STXBP5L: variants seen among roughly 807,000 people sequenced by gnomAD.
The protein encoded by STXBP5L is syntaxin binding protein 5L.
Under a neutral mutation model 144.5 loss-of-function variants are expected in STXBP5L, and 65 were observed. The observed-to-expected ratio is 0.45, with a 90% CI of 0.37 to 0.55. STXBP5L has a LOEUF of 0.55. Among genes scored for constraint, STXBP5L ranks in the 20% least tolerant of loss-of-function variants. The probability of loss-of-function intolerance (pLI) is 0.00; values close to 1 mark genes in which losing one functional copy is unlikely to be tolerated. For missense variants in STXBP5L, 1,298 were observed against 1,405.5 expected (o/e 0.92, Z 1.22); for synonymous variants, 505 against 469.6 (o/e 1.08, Z -0.97).
intron 5 of STXBP5L, among the ~76,000 whole-genome samples, chr3:121,063,868 C>T (rs112726984): frequency 0.012 from 1,820 of 152,132 alleles, 34 homozygotes; most frequent in African/African-American, 0.041. Context: ...TTCAGATCGA[C>T]CTCAGACTGC....
At chr3:121,231,463 C>T (rs904349389) in intron 11 of STXBP5L, among the ~76,000 whole-genome samples, 3 of 152,146 alleles carry the variant, frequency 2.0e-5, no homozygotes, top group Non-Finnish European at 4.4e-5. Flanking sequence ...CCTGGATGTT[C>T]GGGGTTAATG....
intron 21 of STXBP5L, among the ~76,000 whole-genome samples, 165 bp from the exon 22 acceptor site, chr3:121,381,128 A>G (rs1410916566): frequency 3.3e-5 from 5 of 152,092 alleles, no homozygotes; most frequent in African/African-American, 1.2e-4. Flanking sequence ...CAGTTTCTCC[A>G]TCTTCAAAAT....
chr3:121,368,322 GT>G (rs1181808324), intron 20 of STXBP5L, among the ~76,000 whole-genome samples: 1 of 151,902 alleles, frequency 6.6e-6, no homozygotes, highest in Non-Finnish European at 1.5e-5. Context: ...TTTCTTTCTG[GT>G]TTCTTTTTAG....
At chr3:120,979,368 C>A (rs1159476006) in intron 3 of STXBP5L, among the ~76,000 whole-genome samples, 4 of 152,196 alleles carry the variant, frequency 2.6e-5, no homozygotes, top group African/African-American at 7.2e-5. Context: ...GGGATATAAT[C>A]TTCTGGTGCA....
chr3:121,168,424 A>G (rs938495603), intron 9 of STXBP5L, among the ~76,000 whole-genome samples: 1 of 152,212 alleles, frequency 6.6e-6, no homozygotes, highest in Admixed American at 6.5e-5. Flanking sequence ...ACCCAATGCA[A>G]GGAAGATAAG....
chr3:121,210,281 G>C (rs2048506903), intron 10 of STXBP5L, among the ~76,000 whole-genome samples: 1 of 152,132 alleles, frequency 6.6e-6, no homozygotes, highest in African/African-American at 2.4e-5. Context: ...TGATGGAGTT[G>C]TTTGTTTTTT....
chr3:121,031,112 C>T (rs923559669), intron 3 of STXBP5L, among the ~76,000 whole-genome samples: 4 of 151,996 alleles, frequency 2.6e-5, no homozygotes, highest in Non-Finnish European at 4.4e-5. Flanking sequence ...GCAAGCAGTT[C>T]GTGAAACACC....
chr3:121,193,532 T>C (rs566152490), intron 9 of STXBP5L, among the ~76,000 whole-genome samples: 100 of 152,332 alleles, frequency 6.6e-4, no homozygotes, highest in African/African-American at 2.3e-3. Flanking sequence ...TGTATGTTTA[T>C]TGTGGCACTA....
intron 20 of STXBP5L, among the ~76,000 whole-genome samples, chr3:121,372,174 C>G (rs2046051662): frequency 6.6e-6 from 1 of 152,034 alleles, no homozygotes; most frequent in Non-Finnish European, 1.5e-5. Context: ...ATAAGGACCC[C>G]CAGGAGGTAC....
chr3:120,986,036 TA>T (rs1467034473), intron 3 of STXBP5L, among the ~76,000 whole-genome samples: 4 of 151,978 alleles, frequency 2.6e-5, no homozygotes, highest in African/African-American at 9.7e-5. Flanking sequence ...AAAAGTAAAC[TA>T]AAAATTTTGG....
chr3:121,052,623 A>T (rs1948106541), intron 5 of STXBP5L, among the ~76,000 whole-genome samples: 1 of 152,156 alleles, frequency 6.6e-6, no homozygotes, highest in South Asian at 2.1e-4. Flanking sequence ...TCTATGACAA[A>T]CCCACAGTCA....
intron 19 of STXBP5L, among the ~76,000 whole-genome samples, chr3:121,312,408 G>T (rs1373319436): frequency 1.8e-4 from 8 of 45,700 alleles, no homozygotes; most frequent in African/African-American, 3.4e-4. Context: ...GAAAAATGTA[G>T]TTTTATTTGT....
chr3:121,064,933 C>T (rs1004740057), intron 5 of STXBP5L, among the ~76,000 whole-genome samples: 1 of 152,114 alleles, frequency 6.6e-6, no homozygotes, highest in Non-Finnish European at 1.5e-5. Context: ...GTCCATTCTT[C>T]AAATGTTTAT....
intron 22 of STXBP5L, among the ~76,000 whole-genome samples, chr3:121,398,330 G>C (rs553665352): frequency 9.8e-4 from 149 of 152,302 alleles, no homozygotes; most frequent in Non-Finnish European, 2.0e-3. Context: ...CAGGCAGAAG[G>C]CTCACAGCTT....
chr3:121,401,559 C>T (rs1294590336), intron 22 of STXBP5L, among the ~76,000 whole-genome samples: 2 of 143,074 alleles, frequency 1.4e-5, no homozygotes, highest in Non-Finnish European at 3.0e-5. Flanking sequence ...GAATACTATA[C>T]AGCCATAAAA....
chr3:120,955,751 C>T (rs1480945152), intron 3 of STXBP5L, among the ~76,000 whole-genome samples: 1 of 151,894 alleles, frequency 6.6e-6, no homozygotes, highest in Non-Finnish European at 1.5e-5. Context: ...TTTCTATCAC[C>T]ACAAGGATTC....
intron 7 of STXBP5L, among the ~76,000 whole-genome samples, chr3:121,152,173 A>T (rs910138925): frequency 6.6e-6 from 1 of 151,900 alleles, no homozygotes; most frequent in Non-Finnish European, 1.5e-5. Flanking sequence ...GTTTTATTTC[A>T]TCTTCGTTTT....
chr3:121,046,994 C>G (rs904057710), intron 5 of STXBP5L, among the ~76,000 whole-genome samples: 4 of 152,024 alleles, frequency 2.6e-5, no homozygotes, highest in African/African-American at 9.7e-5. Context: ...ACCTTTAGCA[C>G]TATAAACTTT....
At chr3:121,288,525 A>G (rs1326218366) in intron 19 of STXBP5L, among the ~76,000 whole-genome samples, 2 of 152,158 alleles carry the variant, frequency 1.3e-5, no homozygotes, top group Non-Finnish European at 2.9e-5. Flanking sequence ...CTTTGTAATA[A>G]TGGACATTCT....
Sources: allele counts gnomAD v4.1 joint callset (sites outside exome capture counted in the v4.1 genomes callset), GRCh38; gene constraint gnomAD v4.1.1; transcripts MANE v1.5; gene names NCBI Gene and HGNC (gene_info 2026-07-23, HGNC 2026-07-21).